GRIK4: variants seen among roughly 807,000 people sequenced by gnomAD.
The protein encoded by GRIK4 is glutamate receptor ionotropic, kainate 4.
A neutral mutation model predicts 104.9 loss-of-function variants in GRIK4; 40 were observed. The observed-to-expected ratio is 0.38, with a 90% CI of 0.30 to 0.50. GRIK4 has a LOEUF of 0.50. GRIK4 is among the 20% of genes least tolerant of loss of function. The pLI is 0.93. For synonymous variants in GRIK4, 485 were observed against 524.9 expected (o/e 0.92, Z 1.04); for missense variants, 1,047 against 1,308.1 (o/e 0.80, Z 3.08).
At chr11:120,926,920 G>A (rs1943358565) in intron 13 of GRIK4, among the ~76,000 whole-genome samples, 1 of 152,222 alleles carries the variant, frequency 6.6e-6, no homozygotes, top group Admixed American at 6.5e-5. Context: ...AGTGTCTCGA[G>A]GAGAGGGGCC....
chr11:120,514,111 G>A (rs1326515009), intron 1 of GRIK4, among the ~76,000 whole-genome samples: 3 of 152,270 alleles, frequency 2.0e-5, no homozygotes, highest in African/African-American at 7.2e-5. Flanking sequence ...CCCTGGGTTG[G>A]GGGAGAGACT....
At chr11:120,596,636 G>A (rs1291803516) in intron 1 of GRIK4, among the ~76,000 whole-genome samples, 1 of 152,194 alleles carries the variant, frequency 6.6e-6, no homozygotes, top group African/African-American at 2.4e-5. Flanking sequence ...AAAGCATATG[G>A]AGAAGGGGCC....
chr11:120,864,526 C>T (rs1023322042), intron 9 of GRIK4, among the ~76,000 whole-genome samples: 1 of 152,120 alleles, frequency 6.6e-6, no homozygotes, highest in Admixed American at 6.5e-5. Flanking sequence ...AGGCGTGAGC[C>T]ATCATTCCAG....
chr11:120,752,974 G>T lies in GRIK4; in HGVS notation c.83-49719G>T, dbSNP rs138404118. ...GAAGATGGCCTGGAGGTGCCTCCTC[G>T]TGGGCCAGTCCCACCCTCTCCCTTG... On this transcript the variant is annotated intron_variant, in intron 3 of 20. Transcript: ENST00000527524. 1.4e-4 allele frequency among the ~76,000 whole-genome samples: 22 copies of T among 152,350 alleles called. No individual in the cohort carries two copies. The East Asian group carries it at 3.5e-3, about 24-fold the overall frequency.
chr11:120,529,791 A>G (rs762470651), intron 1 of GRIK4, among the ~76,000 whole-genome samples: 12 of 152,062 alleles, frequency 7.9e-5, no homozygotes, highest in Non-Finnish European at 1.8e-4. Flanking sequence ...ATCTCATTTA[A>G]TCTCTCCAAC....
At chr11:120,664,324 A>G (rs1357326100) in intron 3 of GRIK4, among the ~76,000 whole-genome samples, 1 of 152,246 alleles carries the variant, frequency 6.6e-6, no homozygotes, top group African/African-American at 2.4e-5. Flanking sequence ...TTTGGCAGTA[A>G]TAATAAACTC....
At position 120,629,516 on chromosome 11, in the gene GRIK4, C is replaced by T. The variant is rs576923238; in HGVS notation, c.-158-24169C>T. 2.0e-3 allele frequency among the ~76,000 whole-genome samples: 297 copies of T among 152,224 alleles called. 1 individual carries two copies. The highest frequency in any genetic ancestry group is 6.8e-3 in the African/African-American group (281 of 41,538). On this transcript the variant is annotated intron_variant, in intron 1 of 20. Transcript: ENST00000527524. Reference sequence around the variant, plus strand: ...CACTCTGTCCTCCTGCCCTCCGTGCCTTGACCCTGCTCTGATGAGAAGGCA... The same window carrying T: ...CACTCTGTCCTCCTGCCCTCCGTGCTTTGACCCTGCTCTGATGAGAAGGCA...
intron 8 of GRIK4, among the ~76,000 whole-genome samples, chr11:120,856,627 C>T (rs1346672351): frequency 8.5e-5 from 13 of 152,148 alleles, no homozygotes; most frequent in African/African-American, 2.4e-4. Context: ...ATAGTAATGC[C>T]CTTATTGGTT....
chr11:120,859,422 C>T (rs1211070449), intron 8 of GRIK4: 3 of 152,238 alleles, frequency 2.0e-5, no homozygotes, highest in African/African-American at 7.2e-5. Context: ...AAGCCTGAAT[C>T]CACTATATCA....
At chr11:120,600,423 C>T (rs1373245384) in intron 1 of GRIK4, among the ~76,000 whole-genome samples, 1 of 152,212 alleles carries the variant, frequency 6.6e-6, no homozygotes, top group African/African-American at 2.4e-5. Context: ...TGAATGGCAG[C>T]CTTTCAGAGG....
chr11:120,822,424 C>G (rs7952068), intron 6 of GRIK4, among the ~76,000 whole-genome samples: 42,970 of 151,862 alleles, frequency 0.28, 6,941 homozygotes, highest in East Asian at 0.42. Flanking sequence ...GATTTGAATC[C>G]AGATTCTGTG....
intron 4 of GRIK4, among the ~76,000 whole-genome samples, chr11:120,813,873 G>A (rs1375859634): frequency 6.6e-6 from 1 of 152,200 alleles, no homozygotes; most frequent in East Asian, 1.9e-4. Context: ...TGCAGACAAG[G>A]ATGCAGTGGG....
chr11:120,621,426 C>T (rs561728281), intron 1 of GRIK4, among the ~76,000 whole-genome samples: 1 of 152,138 alleles, frequency 6.6e-6, no homozygotes, highest in African/African-American at 2.4e-5. Context: ...CAAGGAAACT[C>T]GTTGTAACAG....
At chr11:120,963,967 T>TTTTG (rs1944337375) in intron 18 of GRIK4, among the ~76,000 whole-genome samples, 2 of 80,712 alleles carry the variant, frequency 2.5e-5, no homozygotes, top group East Asian at 7.4e-4. Flanking sequence ...TTTCCTATGT[T>TTTTG]TTTATTTATT....
intron 1 of GRIK4, among the ~76,000 whole-genome samples, chr11:120,638,828 G>T (rs1313204682): frequency 6.6e-6 from 1 of 152,044 alleles, no homozygotes; most frequent in Non-Finnish European, 1.5e-5. Context: ...CTTTTTCAGG[G>T]ATTAGAACTA....
chr11:120,714,791 G>C (rs1002449788), intron 3 of GRIK4, among the ~76,000 whole-genome samples: 2 of 152,222 alleles, frequency 1.3e-5, no homozygotes, highest in South Asian at 2.1e-4. Flanking sequence ...TGTAGGGAGA[G>C]GGGGAGGTGG....
At chr11:120,806,215 C>A (rs150885131) in intron 4 of GRIK4, among the ~76,000 whole-genome samples, 25 of 152,252 alleles carry the variant, frequency 1.6e-4, no homozygotes, top group East Asian at 3.9e-4. Flanking sequence ...CAGCCTCCCC[C>A]CTCTCTCTTG....
chr11:120,544,331 T>C (rs2136090284), intron 1 of GRIK4, among the ~76,000 whole-genome samples: 1 of 152,294 alleles, frequency 6.6e-6, no homozygotes, highest in South Asian at 2.1e-4. Flanking sequence ...ATAATACTAT[T>C]TTTATACTTT....
chr11:120,749,544 A>G (rs1951507855), intron 3 of GRIK4, among the ~76,000 whole-genome samples: 1 of 152,232 alleles, frequency 6.6e-6, no homozygotes, highest in South Asian at 2.1e-4. Context: ...CAGGAAGAGA[A>G]GGTGCAAGAC....
Sources: gnomAD v4.1 joint callset for allele counts (sites outside exome capture counted in the v4.1 genomes callset) on GRCh38, gnomAD v4.1.1 for gene constraint, MANE v1.5 for transcripts, NCBI Gene and HGNC (gene_info 2026-07-23, HGNC 2026-07-21) for gene names.